OPLAH: variants seen among roughly 807,000 people sequenced by gnomAD.
OPLAH encodes 5-oxoprolinase.
In OPLAH, 103 loss-of-function variants were observed where a neutral mutation model predicts 122.8. The observed-to-expected ratio is 0.84, with a 90% CI of 0.71 to 0.99. The LOEUF is 0.99. Among genes scored for constraint, OPLAH ranks in the 50% least tolerant of loss-of-function variants. The probability of loss-of-function intolerance (pLI) is 0.00; values close to 1 mark genes in which losing one functional copy is unlikely to be tolerated. For synonymous variants in OPLAH, 875 were observed against 796.0 expected (o/e 1.10, Z -1.67); for missense variants, 1,902 against 1,836.5 (o/e 1.04, Z -0.65).
Position 144,052,264 on chromosome 8 carries a change from G to T in OPLAH, c.3366C>A (p.Gly1122=). Residue 1122 remains glycine, a synonymous_variant, in exon 24 of 27, where the codon GGC becomes GGA. Coordinates refer to ENST00000618853, the MANE Select transcript of OPLAH (RefSeq NM_017570.5). ...GCCAGCTGGGACCCGCGCCCGCGCCGCCCGCCACCGTCTCGTAGTAGCCCA... is the reference window on the plus strand; with the variant it reads ...GCCAGCTGGGACCCGCGCCCGCGCCTCCCGCCACCGTCTCGTAGTAGCCCA... ...AHMGYYETVA[G]GAGAGPSWHG... The T allele has an allele frequency of 3.3e-6, 5 of 1,537,872 alleles. No individual in the cohort carries two copies. The highest frequency in any genetic ancestry group is 4.4e-6 in the Non-Finnish European group (5 of 1,146,912).
chr8:144,058,600 G>C lies in OPLAH; in HGVS notation c.679C>G (p.Arg227Gly). ...SLSSEAMPMV[R>G]IVPRGHTACA... ...GCCGTGTGCCCCCGAGGGACGATGC[G>C]CACCATGGGCATGGCCTCCGAGGAC... The change falls in exon 6 of 27, where the codon CGC becomes GGC. Residue 227 changes from arginine to glycine, a missense_variant. By Grantham distance (125) the Arg-to-Gly change is moderately radical. This residue lies in a region of OPLAH where 1,726 missense variants were observed against 1,642.1 expected (regional missense o/e 1.05). Coordinates refer to ENST00000618853, the MANE Select transcript of OPLAH (RefSeq NM_017570.5). 6.2e-7 allele frequency: 1 copy of C among 1,603,204 alleles called. No individual in the cohort carries two copies. Among genetic ancestry groups the C allele is most frequent in the Non-Finnish European group, 8.5e-7 (1 of 1,179,378 alleles).
At chr8:144,060,936 C>A (rs1052555577), upstream of OPLAH, among the ~76,000 whole-genome samples, 3 of 152,238 alleles carry the variant, frequency 2.0e-5, no homozygotes, top group Non-Finnish European at 2.9e-5. Context: ...CCCCAGGATC[C>A]CACCTCCAGG....
downstream of OPLAH, chr8:144,050,774 G>A (rs977208466): frequency 4.8e-5 from 47 of 986,400 alleles, no homozygotes; most frequent in Non-Finnish European, 5.1e-5. Context: ...GGCTGATGCC[G>A]CCCTCCCCCG....
At chr8:144,051,882 C>A in intron 25 of OPLAH, 34 bp downstream of exon 25, 5 of 411,188 alleles carry the variant, frequency 1.2e-5, no homozygotes, top group South Asian at 9.2e-5. Context: ...GGGGCGGGGG[C>A]GGGGAGGGCC....
In OPLAH at chr8:144,051,488, G is replaced by C. The variant is rs566592895; in HGVS notation, c.3721-16C>G. Reference sequence around the variant, plus strand: ...AGAACACATCCTGTTGGCGCGGGGGGGGGCGGGGAGGCGGGCTCAGTGCAG... The same window carrying C: ...AGAACACATCCTGTTGGCGCGGGGGCGGGCGGGGAGGCGGGCTCAGTGCAG... On this transcript the variant is annotated splice_polypyrimidine_tract_variant and intron_variant, in intron 26 of 26. Coordinates refer to ENST00000618853, the MANE Select transcript of OPLAH (RefSeq NM_017570.5). 1,186 of 1,458,878 alleles carry C rather than the reference G, an allele frequency of 8.1e-4. 65 individuals carry two copies. In the African/African-American group the frequency reaches 0.016, roughly 20 times the overall value. The allele number at this position is 1,458,878 out of a possible 1,614,324, so 90.4% of individuals were successfully genotyped here.
chr8:144,060,516 G>A (rs903838974), intron 1 of OPLAH, 137 bp downstream of exon 1: 5 of 155,002 alleles, frequency 3.2e-5, no homozygotes, highest in African/African-American at 1.2e-4. Context: ...GACGGAGCCT[G>A]AGCACCGACG....
At chr8:144,053,475 C>T (rs1434028953) in intron 19 of OPLAH, 82 bp from the exon 20 acceptor site, 5 of 1,374,388 alleles carry the variant, frequency 3.6e-6, no homozygotes, top group Non-Finnish European at 2.0e-6. Flanking sequence ...CAGACAAGGT[C>T]TCTGGCCCCT....
chr8:144,059,526 C>T, intron 3 of OPLAH, 73 bp downstream of exon 3: 1 of 1,462,342 alleles, frequency 6.8e-7, no homozygotes, highest in Non-Finnish European at 9.2e-7. Context: ...AACAACTGCT[C>T]TCCCCACAGG....
In OPLAH at chr8:144,060,100, G is replaced by T; in HGVS notation, c.-53-15C>A. Reference sequence around the variant, plus strand: ...CCCTGGAAAAACTGGACGGAGGCGGGGTCAGCCCGGGCTCACCTGCGAGTG... The same window carrying T: ...CCCTGGAAAAACTGGACGGAGGCGGTGTCAGCCCGGGCTCACCTGCGAGTG... On this transcript the variant is annotated splice_polypyrimidine_tract_variant and intron_variant, in intron 1 of 26. Transcript: ENST00000618853. 2 of 1,520,912 alleles carry T rather than the reference G, an allele frequency of 1.3e-6. No individual in the cohort carries two copies. The highest frequency in any genetic ancestry group is 1.8e-6 in the Non-Finnish European group (2 of 1,130,276). 94.2% of individuals were successfully genotyped at this position (1,520,912 alleles called of 1,614,324 possible).
Position 144,058,387 on chromosome 8 carries a change from GAAC to G in OPLAH, c.798_800del (p.Leu266del), listed in dbSNP as rs782324330. The G allele has an allele frequency of 1.3e-6, 2 of 1,593,592 alleles. No individual in the cohort carries two copies. The highest frequency in any genetic ancestry group is 1.1e-5 in the South Asian group (1 of 89,774). On this transcript the variant is annotated inframe_deletion, in exon 7 of 27. Transcript: ENST00000618853. Reference sequence around the variant, plus strand: ...GCGCCAGGCCGCCATCGGAGCGCATGAACAACACCTGCACATCCTGCGAGCGGG... The same window carrying G: ...GCGCCAGGCCGCCATCGGAGCGCATGAACACCTGCACATCCTGCGAGCGGG...
upstream of OPLAH, among the ~76,000 whole-genome samples, chr8:144,063,467 C>A (rs1334326237): frequency 6.6e-6 from 1 of 152,238 alleles, no homozygotes; most frequent in Non-Finnish European, 1.5e-5. This position sits in a 1 kb window ranked among gnomAD's most constrained non-coding sequence, Gnocchi z 4.2. Flanking sequence ...ACAACTTGCA[C>A]CCACCTCAGG....
intron 19 of OPLAH, among the ~76,000 whole-genome samples, chr8:144,054,205 C>T (rs1266854571): frequency 6.6e-6 from 1 of 152,002 alleles, no homozygotes; most frequent in African/African-American, 2.4e-5. Context: ...GCCTTTGGGC[C>T]CTGCCCCTGC....
chr8:144,052,110 G>C (rs782055331), intron 24 of OPLAH, 34 bp from the exon 25 acceptor site: 1 of 1,556,602 alleles, frequency 6.4e-7, no homozygotes, highest in Non-Finnish European at 8.6e-7. Flanking sequence ...AAGACTCAGC[G>C]TGGCCCGAGC....
intron 17 of OPLAH, 53 bp downstream of exon 17, chr8:144,054,976 G>C (rs1193412919): frequency 9.5e-7 from 1 of 1,049,520 alleles, no homozygotes; most frequent in Non-Finnish European, 1.3e-6. Context: ...GGGGTGGGGG[G>C]GGGGTGGAGG....
At position 144,055,204 on chromosome 8, in the gene OPLAH, T is replaced by C; in HGVS notation, c.2249-15A>G. ...GCCCATCTGCTCTAGGAGCACAAAG[T>C]GACCAGGCCCGCTGGCCCCACCCAC... On this transcript the variant is annotated splice_polypyrimidine_tract_variant and intron_variant, in intron 16 of 26. Transcript: ENST00000618853. This position sits in a 1 kb window ranked among gnomAD's most constrained non-coding sequence, Gnocchi z 6.5. 2 of 1,494,870 alleles carry C rather than the reference T, an allele frequency of 1.3e-6. No homozygotes were observed. Among genetic ancestry groups the C allele is most frequent in the Non-Finnish European group, 8.9e-7 (1 of 1,122,946 alleles). 92.6% of individuals were successfully genotyped at this position (1,494,870 alleles called of 1,614,324 possible). A position where few individuals can be genotyped will look rare whatever the true frequency, so the allele number is the denominator to read the frequency against.
chr8:144,056,740 A>G lies in OPLAH; in HGVS notation c.1722T>C (p.Thr574=). 1 of 1,608,606 alleles carries G rather than the reference A, an allele frequency of 6.2e-7. No homozygotes were observed. The highest frequency in any genetic ancestry group is 8.5e-7 in the Non-Finnish European group (1 of 1,177,620). ...AQGFPRSQIS[T]ESFLHLRYQG... ...GGTAGCGCAGGTGCAGGAAGCTCTC[A>G]GTGCTGATCTGGGACCTGCAGCAGG... The change falls in exon 13 of 27, where the codon ACT becomes ACC. Residue 574 remains threonine, a synonymous_variant. Coordinates refer to ENST00000618853, the MANE Select transcript of OPLAH (RefSeq NM_017570.5).
intron 3 of OPLAH, among the ~76,000 whole-genome samples, 172 bp from the exon 4 acceptor site, chr8:144,059,251 C>A (rs1411135815): frequency 6.6e-6 from 1 of 152,180 alleles, no homozygotes; most frequent in East Asian, 1.9e-4. Context: ...GCTCTCCACC[C>A]CCTAGGCAGC....
intron 13 of OPLAH, 27 bp downstream of exon 13, chr8:144,056,591 G>A: frequency 6.2e-7 from 1 of 1,612,316 alleles, no homozygotes; most frequent in Non-Finnish European, 8.5e-7. Context: ...CCCCTTGCCA[G>A]GGATCCGGAG....
At chr8:144,056,898 C>A in intron 12 of OPLAH, 50 bp downstream of exon 12, 2 of 1,528,162 alleles carry the variant, frequency 1.3e-6, no homozygotes, top group Non-Finnish European at 8.8e-7. Context: ...CCACCAAGGG[C>A]GTGGTGAGGA....
Sources: allele counts gnomAD v4.1 joint callset (sites outside exome capture counted in the v4.1 genomes callset), GRCh38; gene constraint gnomAD v4.1.1; regional missense constraint gnomAD v4.1.1; non-coding constraint Gnocchi (gnomAD v3.1); transcripts MANE v1.5; gene names NCBI Gene and HGNC (gene_info 2026-07-23, HGNC 2026-07-21).